SLC39A11: variants seen among roughly 807,000 people sequenced by gnomAD.
SLC39A11 encodes zinc transporter ZIP11.
In SLC39A11, 33 loss-of-function variants were observed where a neutral mutation model predicts 36.1. The ratio of observed to expected loss-of-function variants is 0.91; its 90% CI spans 0.69 to 1.22. The LOEUF (loss-of-function observed/expected upper bound fraction) is 1.22. SLC39A11 is among the 50% of genes most tolerant of loss of function. The pLI, the probability that SLC39A11 is intolerant of heterozygous loss-of-function variation, is 0.00. For synonymous variants in SLC39A11, 166 were observed against 170.3 expected (o/e 0.97, Z 0.20); for missense variants, 432 against 430.3 (o/e 1.00, Z -0.03).
chr17:72,784,743 C>T (rs906137355), intron 6 of SLC39A11, among the ~76,000 whole-genome samples: 12 of 152,122 alleles, frequency 7.9e-5, no homozygotes, highest in Non-Finnish European at 2.9e-5. Context: ...TCCCCCTTCA[C>T]CTTCTGCCAT....
chr17:72,715,753 G>A (rs185680790), intron 7 of SLC39A11, among the ~76,000 whole-genome samples: 41 of 152,206 alleles, frequency 2.7e-4, no homozygotes, highest in African/African-American at 8.4e-4. Context: ...ACCCAGGCTG[G>A]AGTACAGTGC....
chr17:72,856,716 T>C (rs1282714871), intron 5 of SLC39A11, among the ~76,000 whole-genome samples: 1 of 152,190 alleles, frequency 6.6e-6, no homozygotes, highest in Non-Finnish European at 1.5e-5. Flanking sequence ...ATTCTTGCTC[T>C]GTCACCCAGG....
chr17:72,712,557 T>G (rs1567973372), intron 7 of SLC39A11, among the ~76,000 whole-genome samples: 1 of 152,206 alleles, frequency 6.6e-6, no homozygotes, highest in African/African-American at 2.4e-5. Flanking sequence ...AAATTTTGGA[T>G]GGCCTTACCA....
intron 5 of SLC39A11, among the ~76,000 whole-genome samples, chr17:72,863,199 C>A (rs2080132593): frequency 2.0e-5 from 3 of 152,190 alleles, no homozygotes; most frequent in African/African-American, 4.8e-5. Flanking sequence ...TGGGGATCTT[C>A]ACTTGGGCAT....
At chr17:73,058,377 G>C (rs1474938205) in intron 3 of SLC39A11, among the ~76,000 whole-genome samples, 1 of 152,214 alleles carries the variant, frequency 6.6e-6, no homozygotes, top group African/African-American at 2.4e-5. Flanking sequence ...GTCCTTGGAA[G>C]AATGGATGAT....
In SLC39A11 at chr17:72,740,529, C is replaced by T. The variant is rs540288611; in HGVS notation, c.602-3810G>A. On this transcript the variant is annotated intron_variant, in intron 6 of 9. Coordinates refer to ENST00000255559, the MANE Select transcript of SLC39A11 (RefSeq NM_139177.4). ...GCAGACCTCAAACTATGGTACATAT[C>T]AAGCAAGTTCATTTTTTCTTATAAC... Among the ~76,000 whole-genome samples, 61 of 152,302 alleles carry T rather than the reference C, an allele frequency of 4.0e-4. No homozygotes were observed. In the South Asian group the frequency reaches 5.2e-3, roughly 13 times the overall value.
At chr17:73,068,469 T>C (rs1374938464) in intron 3 of SLC39A11, among the ~76,000 whole-genome samples, 3 of 152,160 alleles carry the variant, frequency 2.0e-5, no homozygotes, top group African/African-American at 7.2e-5. Context: ...CCCCAACACA[T>C]GCAGATTCCA....
At chr17:72,672,711 TA>T (rs763764334) in intron 7 of SLC39A11, among the ~76,000 whole-genome samples, 10 of 152,170 alleles carry the variant, frequency 6.6e-5, no homozygotes, top group Non-Finnish European at 1.2e-4. Flanking sequence ...GTGATCTTCT[TA>T]CTCAGCCTCC....
At chr17:72,934,584 T>C (rs536428149) in intron 5 of SLC39A11, among the ~76,000 whole-genome samples, 21 of 152,270 alleles carry the variant, frequency 1.4e-4, no homozygotes, top group African/African-American at 4.8e-4. Flanking sequence ...GAGAATTGCT[T>C]GAACCTGGGA....
chr17:72,901,681 C>G (rs72847971), intron 5 of SLC39A11, among the ~76,000 whole-genome samples: 13,641 of 152,274 alleles, frequency 0.09, 853 homozygotes, highest in African/African-American at 0.18. Context: ...AGCAGAATGC[C>G]TAACACCCAT....
intron 4 of SLC39A11, among the ~76,000 whole-genome samples, chr17:73,029,919 G>A (rs548984395): frequency 2.0e-4 from 30 of 152,222 alleles, no homozygotes; most frequent in African/African-American, 6.5e-4. Context: ...AATGACACAT[G>A]GTCTTTAAGA....
intron 4 of SLC39A11, among the ~76,000 whole-genome samples, chr17:72,979,914 G>A (rs2088173257): frequency 1.3e-5 from 2 of 152,046 alleles, no homozygotes; most frequent in African/African-American, 4.8e-5. Context: ...CCCCAAAGCA[G>A]CACACCCACT....
chr17:72,656,930 G>A (rs2070154502), intron 7 of SLC39A11, among the ~76,000 whole-genome samples: 1 of 151,414 alleles, frequency 6.6e-6, no homozygotes, highest in Non-Finnish European at 1.5e-5. Context: ...GACTGCTTGA[G>A]GCCAGGAGTT....
intron 7 of SLC39A11, among the ~76,000 whole-genome samples, chr17:72,732,689 C>T (rs769179113): frequency 6.6e-6 from 1 of 152,212 alleles, no homozygotes; most frequent in Non-Finnish European, 1.5e-5. Flanking sequence ...TGCAACCGTA[C>T]TTAAGAGTCC....
At chr17:72,911,532 A>G (rs1181130571) in intron 5 of SLC39A11, among the ~76,000 whole-genome samples, 1 of 151,410 alleles carries the variant, frequency 6.6e-6, no homozygotes, top group African/African-American at 2.4e-5. Flanking sequence ...TACCCTCCCG[A>G]CCTCCCTTTT....
At chr17:72,907,475 G>A (rs1305158888) in intron 5 of SLC39A11, among the ~76,000 whole-genome samples, 4 of 152,196 alleles carry the variant, frequency 2.6e-5, no homozygotes, top group African/African-American at 9.7e-5. Flanking sequence ...ACGTGACAGA[G>A]TGACGGAGCG....
intron 3 of SLC39A11, among the ~76,000 whole-genome samples, chr17:73,058,490 A>G (rs2059740434): frequency 1.3e-5 from 2 of 152,174 alleles, no homozygotes; most frequent in Admixed American, 6.5e-5. Flanking sequence ...TTGCAGGCCC[A>G]GACGGGCAGA....
intron 4 of SLC39A11, among the ~76,000 whole-genome samples, chr17:72,979,985 T>A (rs1262534545): frequency 6.6e-6 from 1 of 151,996 alleles, no homozygotes; most frequent in Non-Finnish European, 1.5e-5. Context: ...GATCCACTGA[T>A]TCCTACACCA....
chr17:72,944,558 C>G (rs1005712501), intron 5 of SLC39A11, among the ~76,000 whole-genome samples: 1 of 152,192 alleles, frequency 6.6e-6, no homozygotes, highest in Non-Finnish European at 1.5e-5. Flanking sequence ...TACACACACA[C>G]ACAGACTTTG....
Sources: gnomAD v4.1 joint callset for allele counts (sites outside exome capture counted in the v4.1 genomes callset) on GRCh38, gnomAD v4.1.1 for gene constraint, MANE v1.5 for transcripts, NCBI Gene and HGNC (gene_info 2026-07-23, HGNC 2026-07-21) for gene names.